CFAP74: variants seen among roughly 807,000 people sequenced by gnomAD.
CFAP74 encodes cilia- and flagella-associated protein 74.
CFAP74 carries 124 observed loss-of-function variants against 188.9 expected under a neutral mutation model. The ratio of observed to expected loss-of-function variants is 0.66; its 90% CI spans 0.57 to 0.76. The LOEUF (loss-of-function observed/expected upper bound fraction) is 0.76, where lower values mean the gene tolerates loss of function less well. CFAP74 is among the 30% of genes least tolerant of loss of function. The probability of loss-of-function intolerance (pLI) is 0.00; values close to 1 mark genes in which losing one functional copy is unlikely to be tolerated. For missense variants in CFAP74, 2,198 were observed against 2,165.2 expected, an observed-to-expected ratio of 1.02 and a Z score of -0.30; for synonymous variants, 956 against 916.7, an observed-to-expected ratio of 1.04 and a Z score of -0.77.
Position 1,970,558 on chromosome 1 carries a change from G to C in CFAP74, c.1046+101C>G. The C allele has an allele frequency of 6.8e-6, 9 of 1,327,050 alleles. No homozygotes were observed. The South Asian group carries it at 1.2e-4, about 17-fold the overall frequency. The allele number at this position is 1,327,050 out of a possible 1,614,324, so 82.2% of individuals were successfully genotyped here. On this transcript the variant is annotated intron_variant, in intron 10 of 38. Coordinates refer to ENST00000682832, the MANE Select transcript of CFAP74 (RefSeq NM_001304360.2). ...CCGCCTGAGTGGGCGCCCTGGGAGAGAGAGCAGCTTTGCTCAATGTGAAGC... is the reference window on the plus strand; with the variant it reads ...CCGCCTGAGTGGGCGCCCTGGGAGACAGAGCAGCTTTGCTCAATGTGAAGC...
At chr1:1,924,170 C>G in intron 34 of CFAP74, among the ~76,000 whole-genome samples, 1 of 51,308 alleles carries the variant, frequency 1.9e-5, no homozygotes, top group Non-Finnish European at 4.7e-5. Context: ...GCCCACCCCC[C>G]ACCTCACCAA....
intron 18 of CFAP74, among the ~76,000 whole-genome samples, chr1:1,948,899 T>TCTTTCCC (rs1653974279): frequency 2.2e-5 from 3 of 136,250 alleles, no homozygotes; most frequent in Non-Finnish European, 3.2e-5. Flanking sequence ...CCCTCCCTCC[T>TCTTTCCC]TCCCTTCCTT....
rs1277917542 is a variant in CFAP74 at position 1,963,858 on chromosome 1, T to C, written c.1585A>G (p.Ile529Val). 2 of 1,611,296 alleles carry C rather than the reference T, an allele frequency of 1.2e-6. No homozygotes were observed. The highest frequency in any genetic ancestry group is 2.7e-5 in the African/African-American group (2 of 74,840). ...ATCTTTTTCTTGTACACTTTGCCAATATCAAAGTCCTGGGAAAGGCCGAGG... is the reference window on the plus strand; with the variant it reads ...ATCTTTTTCTTGTACACTTTGCCAACATCAAAGTCCTGGGAAAGGCCGAGG... ...PELLHFQDFD[I>V]GKVYKKKITL... Residue 529 changes from isoleucine to valine, a missense_variant, in exon 14 of 39, where the codon ATT becomes GTT. Physicochemically the swap from Ile to Val is conservative, Grantham distance 29 (BLOSUM62 3). Transcript: ENST00000682832.
chr1:1,968,484 G>A lies in CFAP74; in HGVS notation c.1245+151C>T. ...TGTCTTGTCCCCTTGTCCTTGAGCT[G>A]AGTGGCGGCCACTCAGCGGGCTCAG... On this transcript the variant is annotated intron_variant, in intron 11 of 38. Coordinates refer to ENST00000682832, the MANE Select transcript of CFAP74 (RefSeq NM_001304360.2). This position sits in a 1 kb window ranked among gnomAD's most constrained non-coding sequence, Gnocchi z 4.3. 1.5e-6 allele frequency: 1 copy of A among 676,498 alleles called. No individual in the cohort carries two copies. Among genetic ancestry groups the A allele is most frequent in the Non-Finnish European group, 2.6e-6 (1 of 379,700 alleles). The allele number at this position is 676,498 out of a possible 1,614,324, so 41.9% of individuals were successfully genotyped here.
intron 13 of CFAP74, among the ~76,000 whole-genome samples, chr1:1,964,477 C>T (rs1655315520): frequency 2.0e-5 from 3 of 152,346 alleles, no homozygotes; most frequent in Middle Eastern, 3.4e-3. Context: ...AGGAAGCCCC[C>T]GGGTTTTCCA....
chr1:1,997,954 G>A (rs760103408), intron 1 of CFAP74, among the ~76,000 whole-genome samples: 2 of 152,196 alleles, frequency 1.3e-5, no homozygotes, highest in Non-Finnish European at 2.9e-5. Context: ...CTGAAAGTGA[G>A]CACAAACTGG....
intron 6 of CFAP74, among the ~76,000 whole-genome samples, chr1:1,976,847 C>A (rs1364159538): frequency 7.1e-6 from 1 of 141,396 alleles, no homozygotes; most frequent in Non-Finnish European, 1.6e-5. Flanking sequence ...CTGGCCCAAA[C>A]CTCTTTTCTT....
Position 1,956,624 on chromosome 1 carries a change from T to C in CFAP74, c.2012A>G (p.Lys671Arg). ...CEMDDSQSALKLSSLLTYEDK... is the reference protein window; with the variant it reads ...CEMDDSQSALRLSSLLTYEDK... Reference sequence around the variant, plus strand: ...ATGGCTGAGTGGCACACTCACTAATTTCAGGGCAGACTGGGAGTCGTCCAT... The same window carrying C: ...ATGGCTGAGTGGCACACTCACTAATCTCAGGGCAGACTGGGAGTCGTCCAT... The change falls in exon 17 of 39, where the codon AAA becomes AGA. Residue 671 changes from lysine (K) to arginine (R), a missense_variant. Physicochemically the swap from Lys to Arg is conservative, Grantham distance 26 (BLOSUM62 2). Coordinates refer to ENST00000682832, the MANE Select transcript of CFAP74 (RefSeq NM_001304360.2). 6.2e-7 allele frequency: 1 copy of C among 1,614,132 alleles called. No individual in the cohort carries two copies. The highest frequency in any genetic ancestry group is 1.3e-5 in the African/African-American group (1 of 75,058).
intron 18 of CFAP74, 23 bp from the exon 19 acceptor site, chr1:1,947,077 A>G (rs2102052194): frequency 1.3e-6 from 2 of 1,527,196 alleles, no homozygotes; most frequent in East Asian, 4.9e-5. Flanking sequence ...GGGGATCCAG[A>G]GGTGAGGGTT....
chr1:1,987,643 G>C (rs756660947), intron 4 of CFAP74, among the ~76,000 whole-genome samples: 1 of 151,848 alleles, frequency 6.6e-6, no homozygotes, highest in Non-Finnish European at 1.5e-5. Flanking sequence ...CCAGGTTCAA[G>C]CGATTCTGCT....
At chr1:1,941,066 T>C (rs914851673) in intron 22 of CFAP74, among the ~76,000 whole-genome samples, 1 of 151,912 alleles carries the variant, frequency 6.6e-6, no homozygotes, top group South Asian at 2.1e-4. Context: ...TGAGCCGAGA[T>C]AGTGCCACTG....
intron 16 of CFAP74, among the ~76,000 whole-genome samples, chr1:1,957,009 G>A (rs1403881943): frequency 1.3e-5 from 2 of 152,234 alleles, no homozygotes; most frequent in East Asian, 1.9e-4. Context: ...GAGCCCCCTC[G>A]CCACGGAGTA....
intron 11 of CFAP74, among the ~76,000 whole-genome samples, chr1:1,967,077 C>A (rs1312242682): frequency 6.6e-6 from 1 of 152,212 alleles, no homozygotes; most frequent in Non-Finnish European, 1.5e-5. Context: ...ATCTCATGAT[C>A]CACTCACCCT....
Position 1,956,766 on chromosome 1 carries a change from GCTC to G in CFAP74, c.1867_1869del (p.Glu623del), listed in dbSNP as rs1356879795. The G allele has an allele frequency of 1.2e-6, 2 of 1,612,986 alleles. No homozygotes were observed. Among genetic ancestry groups the G allele is most frequent in the African/African-American group, 2.7e-5 (2 of 74,928 alleles). On this transcript the variant is annotated inframe_deletion, in exon 17 of 39. Transcript: ENST00000682832. The stretch of plus-strand genomic sequence containing the variant: ...ACCACGTAGCTGCCGAAGTCAATGA[GCTC>G]CTTGTCGAGGGACAGCTGCCAGAGG...
chr1:1,928,945 C>T (rs1042124148), intron 26 of CFAP74, 63 bp from the exon 27 acceptor site: 12 of 1,172,340 alleles, frequency 1.0e-5, no homozygotes, highest in South Asian at 4.0e-5. Flanking sequence ...GGAGCCCCTG[C>T]GGGCACTCTA....
At chr1:1,971,359 C>CG (rs1656046322) in intron 9 of CFAP74, among the ~76,000 whole-genome samples, 2 of 149,246 alleles carry the variant, frequency 1.3e-5, no homozygotes, top group East Asian at 2.3e-4. Context: ...ACATGCACAC[C>CG]TGCACACACA....
chr1:1,930,808 G>A (rs932609590), intron 25 of CFAP74, among the ~76,000 whole-genome samples: 3 of 152,184 alleles, frequency 2.0e-5, no homozygotes, highest in Non-Finnish European at 4.4e-5. Flanking sequence ...ATTTATTGAC[G>A]TTTTAAAAAC....
intron 18 of CFAP74, among the ~76,000 whole-genome samples, chr1:1,952,249 G>C (rs373943176): frequency 4.1e-4 from 63 of 152,070 alleles, no homozygotes; most frequent in African/African-American, 1.4e-3. Context: ...CACTGGGCCC[G>C]ACCAAGGTGT....
Position 1,974,145 on chromosome 1 carries a change from G to A in CFAP74, c.554C>T (p.Thr185Ile), listed in dbSNP as rs758410297. The change falls in exon 7 of 39, where the codon ACA (threonine) becomes ATA (isoleucine). Residue 185 changes from threonine (T) to isoleucine (I), a missense_variant. By Grantham distance (89) the Thr-to-Ile change is moderately conservative. Transcript: ENST00000682832. ...IQEGRLEAFR[T>I]ADREEVEATG... ...GGCCTCCACCTCCTCACGGTCAGCTGTCCGGAAGGCCTCGAGTCGCCCCTC... is the reference window on the plus strand; with the variant it reads ...GGCCTCCACCTCCTCACGGTCAGCTATCCGGAAGGCCTCGAGTCGCCCCTC... 3.1e-6 allele frequency: 5 copies of A among 1,612,194 alleles called. No homozygotes were observed. In the East Asian group the frequency reaches 6.7e-5, roughly 22 times the overall value.
Sources: gnomAD v4.1 joint callset for allele counts (sites outside exome capture counted in the v4.1 genomes callset) on GRCh38, gnomAD v4.1.1 for gene constraint, Gnocchi (gnomAD v3.1) non-coding constraint, MANE v1.5 for transcripts, NCBI Gene and HGNC (gene_info 2026-07-23, HGNC 2026-07-21) for gene names.